The following TENM2 variants were observed in gnomAD, a reference collection of about 807,000 sequenced individuals.
TENM2 encodes the protein teneurin-2.
In TENM2, 52 loss-of-function variants were observed where a neutral mutation model predicts 245.2. That is an observed-to-expected ratio of 0.21 (90% CI 0.17 to 0.27). The LOEUF (loss-of-function observed/expected upper bound fraction) is 0.27. Ranked by LOEUF, TENM2 falls within the 10% of genes least tolerant of loss-of-function variation. The pLI, the probability that TENM2 is intolerant of heterozygous loss-of-function variation, is 1.00. For missense variants in TENM2, 3,046 were observed against 3,666.8 expected, an observed-to-expected ratio of 0.83 and a Z score of 4.37; for synonymous variants, 1,363 against 1,438.9, an observed-to-expected ratio of 0.95 and a Z score of 1.19.
chr5:167,152,547 G>A, the TENM2 span, among the ~76,000 whole-genome samples: 4 of 152,150 alleles, frequency 2.6e-5, no homozygotes, highest in Admixed American at 1.3e-4. Context: ...CCTCTTACCT[G>A]TAGTCCAGGA....
At chr5:167,445,243 G>A (rs1423030317) in intron 2 of TENM2, among the ~76,000 whole-genome samples, 2 of 150,740 alleles carry the variant, frequency 1.3e-5, no homozygotes, top group African/African-American at 4.9e-5. Context: ...AGAGATAAGT[G>A]TAAGCCAATC....
chr5:167,656,807 T>C (rs561501742), intron 2 of TENM2, among the ~76,000 whole-genome samples: 7 of 152,236 alleles, frequency 4.6e-5, no homozygotes, highest in African/African-American at 1.7e-4. Context: ...AGGCTTTTCT[T>C]GCCTTTTAAA....
intron 2 of TENM2, among the ~76,000 whole-genome samples, chr5:167,748,914 G>A (rs958961772): frequency 8.6e-5 from 13 of 152,004 alleles, no homozygotes; most frequent in Non-Finnish European, 1.3e-4. Flanking sequence ...TTTGGGTGGG[G>A]ACACAGCCAA....
chr5:167,669,206 G>GTTTGTGGT (rs1755769645), intron 2 of TENM2, among the ~76,000 whole-genome samples: 1 of 152,174 alleles, frequency 6.6e-6, no homozygotes, highest in Non-Finnish European at 1.5e-5. Flanking sequence ...TTCTCTAGCA[G>GTTTGTGGT]TTTGTGGTTT....
chr5:167,016,278 AAAC>A, the TENM2 span, among the ~76,000 whole-genome samples: 2,883 of 88,416 alleles, frequency 0.033, 66 homozygotes, highest in African/African-American at 0.083. Context: ...ACAAACAAAC[AAAC>A]AAAAAAAAAA....
At chr5:167,358,991 C>T (rs879503887) in intron 1 of TENM2, among the ~76,000 whole-genome samples, 14 of 152,032 alleles carry the variant, frequency 9.2e-5, no homozygotes, top group Admixed American at 7.2e-4. Context: ...CAAGACTGCC[C>T]ACCCCGACAC....
chr5:167,331,780 C>T (rs918849275), intron 1 of TENM2, among the ~76,000 whole-genome samples: 5 of 152,060 alleles, frequency 3.3e-5, no homozygotes, highest in Admixed American at 1.3e-4. Context: ...GAAGATAATA[C>T]GGAAGCAGAG....
chr5:167,155,313 G>A, the TENM2 span, among the ~76,000 whole-genome samples: 1 of 152,144 alleles, frequency 6.6e-6, no homozygotes, highest in Non-Finnish European at 1.5e-5. Flanking sequence ...ATATTAACAA[G>A]CCTCCACTCC....
intron 2 of TENM2, among the ~76,000 whole-genome samples, chr5:167,706,028 A>G (rs867666676): frequency 3.8e-4 from 55 of 144,056 alleles, no homozygotes; most frequent in Admixed American, 2.8e-3. Flanking sequence ...TATATTATAT[A>G]TTATATATAT....
At chr5:167,075,675 A>T in the TENM2 span, among the ~76,000 whole-genome samples, 10 of 152,158 alleles carry the variant, frequency 6.6e-5, no homozygotes, top group East Asian at 7.7e-4. Flanking sequence ...GTATTTTCAT[A>T]ATTCACTACT....
At chr5:168,242,867 G>C (rs762675796) in intron 25 of TENM2, among the ~76,000 whole-genome samples, 6 of 151,676 alleles carry the variant, frequency 4.0e-5, no homozygotes, top group Admixed American at 3.3e-4. Flanking sequence ...TGAGGCAGGA[G>C]AATCACTTGA....
chr5:168,022,216 A>G (rs1189819501), intron 5 of TENM2, among the ~76,000 whole-genome samples: 1 of 152,254 alleles, frequency 6.6e-6, no homozygotes, highest in Non-Finnish European at 1.5e-5. Flanking sequence ...AGCGCAGAGA[A>G]GAGCAGCCGG....
intron 3 of TENM2, among the ~76,000 whole-genome samples, chr5:167,888,123 C>T (rs1206196079): frequency 6.6e-6 from 1 of 152,196 alleles, no homozygotes; most frequent in Non-Finnish European, 1.5e-5. Flanking sequence ...AATAAGGTCA[C>T]ATTCCCAGCT....
chr5:167,365,858 T>A (rs1760017251), intron 1 of TENM2, among the ~76,000 whole-genome samples: 1 of 151,962 alleles, frequency 6.6e-6, no homozygotes, highest in South Asian at 2.1e-4. Context: ...CAATTATAGA[T>A]GGGACACACC....
intron 27 of TENM2, among the ~76,000 whole-genome samples, chr5:168,252,172 G>C (rs988464451): frequency 6.6e-6 from 1 of 152,056 alleles, no homozygotes; most frequent in Non-Finnish European, 1.5e-5. Context: ...CAGTCTAGGA[G>C]TTTGAGACCA....
intron 2 of TENM2, among the ~76,000 whole-genome samples, chr5:167,651,410 A>G (rs1452081908): frequency 6.8e-6 from 1 of 147,360 alleles, no homozygotes; most frequent in Non-Finnish European, 1.5e-5. Flanking sequence ...TATCCATCTC[A>G]TTTTTTTTTT....
intron 2 of TENM2, among the ~76,000 whole-genome samples, chr5:167,820,656 G>C (rs550215310): frequency 6.6e-6 from 1 of 152,182 alleles, no homozygotes; most frequent in Admixed American, 6.5e-5. Flanking sequence ...GGATATCTCC[G>C]TCAAGGCCCT....
the TENM2 span, among the ~76,000 whole-genome samples, chr5:167,120,543 T>C: frequency 6.6e-6 from 1 of 152,244 alleles, no homozygotes; most frequent in African/African-American, 2.4e-5. Flanking sequence ...CATCAGGAGT[T>C]GTCTTTCTGA....
intron 2 of TENM2, among the ~76,000 whole-genome samples, chr5:167,834,604 A>G (rs1442600217): frequency 1.3e-5 from 2 of 151,988 alleles, no homozygotes; most frequent in African/African-American, 4.8e-5. Flanking sequence ...CAACTGCCAT[A>G]AACTGGGCCA....
Sources: gnomAD v4.1 joint callset for allele counts (sites outside exome capture counted in the v4.1 genomes callset) on GRCh38, gnomAD v4.1.1 for gene constraint, MANE v1.5 for transcripts, NCBI Gene and HGNC (gene_info 2026-07-23, HGNC 2026-07-21) for gene names.